Variants in YIPF3 observed in about 807,000 individuals in gnomAD.
YIPF3 encodes the protein protein YIPF3.
A neutral mutation model predicts 40.3 loss-of-function variants in YIPF3; 18 were observed. That is an observed-to-expected ratio of 0.45 (90% confidence interval 0.31 to 0.66). YIPF3 has a LOEUF of 0.66. Among genes scored for constraint, YIPF3 ranks in the 30% least tolerant of loss-of-function variants. The pLI is 0.07. For missense variants in YIPF3, 406 were observed against 452.2 expected (o/e 0.90, Z 0.93); for synonymous variants, 190 against 179.6 (o/e 1.06, Z -0.46).
At position 43,515,971 on chromosome 6, in the gene YIPF3, G is replaced by A. The variant is rs1321232271; in HGVS notation, c.206C>T (p.Ala69Val). ...EEEVDADAAD[A>V]AAAEEEDGEF... ...TCCATCCTCCTCTTCAGCAGCAGCT[G>A]CATCAGCTGCATCAGCGTCTACTTC... The change falls in exon 2 of 9, where the codon GCA becomes GTA. Residue 69 changes from alanine (A) to valine (V), a missense_variant. By Grantham distance (64) the Ala-to-Val change is moderately conservative. Transcript: ENST00000372422. 7.4e-6 allele frequency: 12 copies of A among 1,613,728 alleles called. No individual in the cohort carries two copies. The highest frequency in any genetic ancestry group is 1.3e-5 in the African/African-American group (1 of 74,862).
chr6:43,515,731 GTGGTACTGT>G, intron 2 of YIPF3, 30 bp from the exon 3 acceptor site: 1 of 1,613,166 alleles, frequency 6.2e-7, no homozygotes, highest in Non-Finnish European at 8.5e-7. Context: ...CATAGGTATT[GTGGTACTGT>G]TGGTTCTAGA....
At chr6:43,514,828 C>T (rs571847105) in intron 3 of YIPF3, among the ~76,000 whole-genome samples, 1 of 152,180 alleles carries the variant, frequency 6.6e-6, no homozygotes, top group African/African-American at 2.4e-5. Context: ...CACTCAAAAA[C>T]TATGCCCTGA....
intron 2 of YIPF3, 76 bp downstream of exon 2, chr6:43,515,813 T>G (rs958009719): frequency 1.7e-5 from 27 of 1,595,006 alleles, no homozygotes; most frequent in Non-Finnish European, 2.3e-5. Flanking sequence ...GGGGCGAACA[T>G]CACCAACACC....
Position 43,513,428 on chromosome 6 carries a change from T to G in YIPF3, c.465A>C (p.Gly155=). The change falls in exon 5 of 9, where the codon GGA becomes GGC. Residue 155 remains glycine, a synonymous_variant. Transcript: ENST00000372422. ...CCAGAGTGAAGACCAGCATGAGAGGTCCATAGAGTTCACCTGCAATTTTCT... is the reference window on the plus strand; with the variant it reads ...CCAGAGTGAAGACCAGCATGAGAGGGCCATAGAGTTCACCTGCAATTTTCT... ...FPQKIAGELY[G]PLMLVFTLVA... The G allele has an allele frequency of 1.9e-6, 3 of 1,613,980 alleles. No homozygotes were observed. The highest frequency in any genetic ancestry group is 2.5e-6 in the Non-Finnish European group (3 of 1,179,978).
At chr6:43,515,027 T>C (rs12664665) in intron 3 of YIPF3, among the ~76,000 whole-genome samples, 28,083 of 151,014 alleles carry the variant, frequency 0.19, 5,628 homozygotes, top group African/African-American at 0.51. Flanking sequence ...GAGTCTCACT[T>C]TGTTGCTCAG....
In YIPF3 at chr6:43,515,588, T is replaced by G. The variant is rs1792791456; in HGVS notation, c.395+7A>C. The G allele has an allele frequency of 6.2e-7, 1 of 1,613,042 alleles. No individual in the cohort carries two copies. Among genetic ancestry groups the G allele is most frequent in the Admixed American group, 1.7e-5 (1 of 60,004 alleles). ...GAGGGAAGCTTCTTCAAGAGAAGGC[T>G]CCTCACCTGCTTCGCACCTGAGCAG... On this transcript the variant is annotated splice_region_variant and intron_variant, in intron 3 of 8. Transcript: ENST00000372422.
chr6:43,512,360 C>G (rs758610921), intron 8 of YIPF3, 45 bp from the exon 9 acceptor site: 2 of 1,613,306 alleles, frequency 1.2e-6, no homozygotes, highest in Non-Finnish European at 1.7e-6. Context: ...TGGGCCCAGC[C>G]CACCAGCCAT....
intron 3 of YIPF3, chr6:43,515,289 G>T (rs752960593): frequency 3.0e-5 from 15 of 494,088 alleles, no homozygotes; most frequent in Middle Eastern, 3.0e-4. Context: ...ACCATGCCCG[G>T]CTGGCAAGCA....
intron 3 of YIPF3, 115 bp downstream of exon 3, chr6:43,515,480 T>G (rs1582174792): frequency 1.1e-6 from 1 of 947,930 alleles, no homozygotes; most frequent in African/African-American, 1.6e-5. Flanking sequence ...TGATGAGAGG[T>G]GATGGGGTCA....
chr6:43,516,005 G>T lies in YIPF3; in HGVS notation c.172C>A (p.Arg58Ser). Residue 58 changes from arginine (R) to serine (S), a missense_variant, in exon 2 of 9, where the codon CGC (arginine) becomes AGC (serine). Transcript: ENST00000372422. ...EDMGELHQRL[R>S]EEEVDADAAD... ...GCATCAGCGTCTACTTCTTCCTCGC[G>T]CAGGCGCTGATGCAGCTCACCCATA... 6.2e-7 allele frequency: 1 copy of T among 1,614,238 alleles called. No homozygotes were observed.
Position 43,513,096 on chromosome 6 carries a change from G to C in YIPF3, c.639C>G (p.Ile213Met), listed in dbSNP as rs776932354. ...GCAGTGCCAACATCTGCAGCATGGTGATCTGGGCGTTGCACAGGTAGGCAA... is the reference window on the plus strand; with the variant it reads ...GCAGTGCCAACATCTGCAGCATGGTCATCTGGGCGTTGCACAGGTAGGCAA... The part of the protein sequence containing the change: ...YFLAYLCNAQ[I>M]TMLQMLALLG... Residue 213 changes from isoleucine (I) to methionine (M), a missense_variant, in exon 6 of 9, where the codon ATC becomes ATG. Transcript: ENST00000372422. 1 of 1,614,140 alleles carries C rather than the reference G, an allele frequency of 6.2e-7. No homozygotes were observed. The highest frequency in any genetic ancestry group is 1.7e-5 in the Admixed American group (1 of 60,018).
Position 43,512,445 on chromosome 6 carries a change from A to G in YIPF3, c.899T>C (p.Val300Ala), listed in dbSNP as rs774022858. ...LYLHFAYHKV[V>A]EGILDTLEGP... ...CAGACCTTCCTGCCACTTACCCTCT[A>G]CCACTTTGTGGTAGGCAAAATGCAG... Residue 300 changes from valine (V) to alanine (A), a missense_variant, in exon 8 of 9, where the codon GTA becomes GCA. By Grantham distance (64) the Val-to-Ala change is moderately conservative. Coordinates refer to ENST00000372422, the MANE Select transcript of YIPF3 (RefSeq NM_015388.4). The G allele has an allele frequency of 3.7e-6, 6 of 1,614,020 alleles. No homozygotes were observed. The East Asian group carries it at 1.3e-4, about 36-fold the overall frequency.
intron 7 of YIPF3, 65 bp from the exon 8 acceptor site, chr6:43,512,628 C>T: frequency 6.4e-7 from 1 of 1,555,536 alleles, no homozygotes; most frequent in Non-Finnish European, 8.7e-7. Flanking sequence ...ACAAGACACC[C>T]CCACCCAGGG....
At chr6:43,515,056 G>A (rs999103817) in intron 3 of YIPF3, 16 of 304,512 alleles carry the variant, frequency 5.3e-5, no homozygotes, top group African/African-American at 3.2e-4. Context: ...GCAGTGGCAC[G>A]ATCTCGGCTC....
At chr6:43,515,273 T>C in intron 3 of YIPF3, 1 of 478,124 alleles carries the variant, frequency 2.1e-6, no homozygotes, top group South Asian at 1.5e-5. Flanking sequence ...ATTCCAGGCG[T>C]GAGCCACCAT....
Position 43,516,767 on chromosome 6 carries a change from C to G in YIPF3, c.41G>C (p.Gly14Ala), listed in dbSNP as rs748051898. The change falls in exon 1 of 9, where the codon GGA (glycine) becomes GCA (alanine). Residue 14 changes from glycine to alanine, a missense_variant. By Grantham distance (60) the Gly-to-Ala change is moderately conservative. Transcript: ENST00000372422. The part of the protein sequence containing the change: ...TAAPAGGARN[G>A]AGPEWGGFEE... ...GAACCCTCCCCATTCCGGGCCAGCTCCATTTCGGGCGCCGCCCGCCGGCGC... is the reference window on the plus strand; with the variant it reads ...GAACCCTCCCCATTCCGGGCCAGCTGCATTTCGGGCGCCGCCCGCCGGCGC... The G allele has an allele frequency of 6.3e-7, 1 of 1,584,800 alleles. No homozygotes were observed. The highest frequency in any genetic ancestry group is 1.1e-5 in the South Asian group (1 of 87,518).
rs1792815455 is a variant in YIPF3 at position 43,516,025 on chromosome 6, C to T, written c.152G>A (p.Gly51Asp). Residue 51 changes from glycine to aspartate, a missense_variant, in exon 2 of 9, where the codon GGT (glycine) becomes GAT (aspartate). Gly to Asp is a moderately conservative substitution (Grantham distance 94, BLOSUM62 -1). Transcript: ENST00000372422. ...CTCGCGCAGGCGCTGATGCAGCTCA[C>T]CCATATCCTCGAAGCTAGAGCCTGA... ...DTSGSSFEDM[G>D]ELHQRLREEE... The T allele has an allele frequency of 7.4e-6, 12 of 1,614,128 alleles. No individual in the cohort carries two copies. The highest frequency in any genetic ancestry group is 1.7e-5 in the Admixed American group (1 of 60,010).
chr6:43,516,675 T>A (rs1041730737), intron 1 of YIPF3, 52 bp downstream of exon 1: 6 of 1,601,720 alleles, frequency 3.7e-6, no homozygotes, highest in East Asian at 4.5e-5. Context: ...AAGACACTTC[T>A]GGACATCGCC....
In YIPF3 at chr6:43,513,061, C is replaced by T; in HGVS notation, c.666+8G>A. 1 of 1,613,894 alleles carries T rather than the reference C, an allele frequency of 6.2e-7. No homozygotes were observed. The highest frequency in any genetic ancestry group is 8.5e-7 in the Non-Finnish European group (1 of 1,179,988). On this transcript the variant is annotated splice_region_variant and intron_variant, in intron 6 of 8. Coordinates refer to ENST00000372422, the MANE Select transcript of YIPF3 (RefSeq NM_015388.4). The stretch of plus-strand genomic sequence containing the variant: ...CATCACTCTTGCCCACCACACCTGG[C>T]TCCTTACCAGCAGTGCCAACATCTG...
Sources: allele counts gnomAD v4.1 joint callset (sites outside exome capture counted in the v4.1 genomes callset), GRCh38; gene constraint gnomAD v4.1.1; transcripts MANE v1.5; gene names NCBI Gene and HGNC (gene_info 2026-07-23, HGNC 2026-07-21).